The following CCDC171 variants were observed in gnomAD, a reference collection of about 807,000 sequenced individuals.
The protein encoded by CCDC171 is coiled-coil domain-containing protein 171.
A neutral mutation model predicts 168.2 loss-of-function variants in CCDC171; 177 were observed. The ratio of observed to expected loss-of-function variants is 1.05; its 90% CI spans 0.93 to 1.19. CCDC171 has a LOEUF of 1.19. Ranked by LOEUF, CCDC171 falls within the 50% of genes most tolerant of loss-of-function variation. CCDC171 has a pLI of 0.00. For missense variants in CCDC171, 1,991 were observed against 1,539.0 expected, an observed-to-expected ratio of 1.29 and a Z score of -4.91; for synonymous variants, 687 against 540.8, an observed-to-expected ratio of 1.27 and a Z score of -3.75.
chr9:15,808,345 A>G (rs1014291030), intron 21 of CCDC171, among the ~76,000 whole-genome samples: 1 of 152,230 alleles, frequency 6.6e-6, no homozygotes, highest in African/African-American at 2.4e-5. Flanking sequence ...GCTTAGATGT[A>G]TGCCTTCAAA....
chr9:16,098,936 G>A, the CCDC171 span, among the ~76,000 whole-genome samples: 77 of 152,314 alleles, frequency 5.1e-4, no homozygotes, highest in Non-Finnish European at 8.5e-4. Flanking sequence ...CCAGTGCCAA[G>A]TCCTGCATCA....
At chr9:15,945,207 A>G (rs1430472310) in intron 25 of CCDC171, among the ~76,000 whole-genome samples, 1 of 149,996 alleles carries the variant, frequency 6.7e-6, no homozygotes, top group Non-Finnish European at 1.5e-5. Context: ...AAGGACATGA[A>G]CTCATCATTT....
intron 21 of CCDC171, among the ~76,000 whole-genome samples, chr9:15,817,252 C>T (rs2059592604): frequency 8.5e-6 from 1 of 118,056 alleles, no homozygotes; most frequent in African/African-American, 3.2e-5. Flanking sequence ...CTCCAGTCTA[C>T]AGCTCCCAGT....
At chr9:15,575,029 T>C (rs763284871) in intron 3 of CCDC171, among the ~76,000 whole-genome samples, 26 of 152,134 alleles carry the variant, frequency 1.7e-4, no homozygotes, top group Non-Finnish European at 3.1e-4. Context: ...GTAACAATAC[T>C]GTTGTGGAAA....
At chr9:16,061,128 C>T (rs934650826) in exon 2 of CCDC171, 3 of 152,238 alleles carry the variant, frequency 2.0e-5, no homozygotes, top group African/African-American at 7.2e-5. Context: ...TTCAGTTCAA[C>T]CATTACCAAC....
intron 21 of CCDC171, among the ~76,000 whole-genome samples, chr9:15,842,577 A>G (rs1187657008): frequency 6.6e-6 from 1 of 151,942 alleles, no homozygotes; most frequent in African/African-American, 2.4e-5. Context: ...CATTGTTTTG[A>G]TAAGGTTTTT....
intron 23 of CCDC171, among the ~76,000 whole-genome samples, chr9:15,874,010 C>T (rs1817524090): frequency 6.6e-6 from 1 of 151,948 alleles, no homozygotes; most frequent in Non-Finnish European, 1.5e-5. Flanking sequence ...GCAAACAAAC[C>T]TCTTTCTTGT....
At chr9:15,590,052 A>G (rs1043543139) in intron 4 of CCDC171, among the ~76,000 whole-genome samples, 1 of 152,216 alleles carries the variant, frequency 6.6e-6, no homozygotes, top group African/African-American at 2.4e-5. Flanking sequence ...AATTTCAGAA[A>G]AATAAAGACA....
intron 18 of CCDC171, among the ~76,000 whole-genome samples, chr9:15,758,831 C>T (rs1271881917): frequency 6.6e-6 from 1 of 152,132 alleles, no homozygotes; most frequent in Non-Finnish European, 1.5e-5. Flanking sequence ...CATTTTCTCT[C>T]TTGCCACTGC....
intron 6 of CCDC171, among the ~76,000 whole-genome samples, chr9:15,600,613 T>G (rs1292798406): frequency 6.6e-6 from 1 of 152,204 alleles, no homozygotes; most frequent in Non-Finnish European, 1.5e-5. Context: ...AGTCTGTCTG[T>G]TCTCAGATCT....
chr9:15,966,545 A>C (rs570896180), intron 25 of CCDC171, among the ~76,000 whole-genome samples: 15 of 152,054 alleles, frequency 9.9e-5, no homozygotes, highest in African/African-American at 3.6e-4. Context: ...TGTCTGCCTG[A>C]GGACAGAGTT....
intron 25 of CCDC171, among the ~76,000 whole-genome samples, chr9:15,950,651 A>G (rs1441039091): frequency 6.6e-6 from 1 of 152,104 alleles, no homozygotes; most frequent in Non-Finnish European, 1.5e-5. Context: ...AACAACCGAT[A>G]CCAGCCGCTG....
chr9:15,593,916 A>T, intron 5 of CCDC171, 125 bp from the exon 6 acceptor site: 1 of 625,910 alleles, frequency 1.6e-6, no homozygotes, highest in Non-Finnish European at 2.8e-6. Flanking sequence ...TAATGATTTT[A>T]ACATGAATTA....
chr9:16,034,686 C>T (rs1833431085), intron 6 of CCDC171, among the ~76,000 whole-genome samples: 1 of 152,110 alleles, frequency 6.6e-6, no homozygotes. Context: ...TGGACACTGC[C>T]CCAATCCTGG....
At chr9:16,065,194 T>G (rs193044046), downstream of CCDC171, among the ~76,000 whole-genome samples, 4 of 152,338 alleles carry the variant, frequency 2.6e-5, no homozygotes, top group East Asian at 5.8e-4. Context: ...CTTTTTAGTC[T>G]GACCCTATTG....
intron 7 of CCDC171, among the ~76,000 whole-genome samples, chr9:15,623,625 G>C (rs949441898): frequency 6.6e-6 from 1 of 151,834 alleles, no homozygotes; most frequent in Non-Finnish European, 1.5e-5. Flanking sequence ...TTTTGTATCT[G>C]AGTATTTTCT....
the CCDC171 span, among the ~76,000 whole-genome samples, chr9:16,068,081 C>T: frequency 6.7e-6 from 1 of 149,556 alleles, no homozygotes; most frequent in Non-Finnish European, 1.5e-5. Flanking sequence ...CCAAAATCTC[C>T]TTAAGCTGAT....
At chr9:16,005,132 C>T (rs1446195690) in intron 3 of CCDC171, among the ~76,000 whole-genome samples, 1 of 152,142 alleles carries the variant, frequency 6.6e-6, no homozygotes, top group Non-Finnish European at 1.5e-5. Flanking sequence ...TTCTTATCAA[C>T]CCGAAAAGAA....
intron 21 of CCDC171, among the ~76,000 whole-genome samples, chr9:15,824,652 C>T (rs973501836): frequency 2.0e-5 from 3 of 152,036 alleles, no homozygotes; most frequent in African/African-American, 2.4e-5. Context: ...AACAGAACAA[C>T]GTATATACAG....
Sources: allele counts gnomAD v4.1 joint callset (sites outside exome capture counted in the v4.1 genomes callset), GRCh38; gene constraint gnomAD v4.1.1; transcripts MANE v1.5; gene names NCBI Gene and HGNC (gene_info 2026-07-23, HGNC 2026-07-21).